The following IFT74 variants were observed in gnomAD, a reference collection of about 807,000 sequenced individuals.
IFT74 encodes the protein intraflagellar transport protein 74 homolog.
A neutral mutation model predicts 96.7 loss-of-function variants in IFT74; 92 were observed. The ratio of observed to expected loss-of-function variants is 0.95; its 90% CI spans 0.80 to 1.13. The LOEUF (loss-of-function observed/expected upper bound fraction) is 1.13. IFT74 is among the 50% of genes most tolerant of loss of function. The probability of loss-of-function intolerance (pLI) is 0.00; values close to 1 mark genes in which losing one functional copy is unlikely to be tolerated. For missense variants in IFT74, 811 were observed against 698.2 expected, an observed-to-expected ratio of 1.16 and a Z score of -1.82; for synonymous variants, 223 against 213.2, an observed-to-expected ratio of 1.05 and a Z score of -0.40.
At chr9:26,962,398 A>G (rs1455893674) in intron 2 of IFT74, among the ~76,000 whole-genome samples, 1 of 152,222 alleles carries the variant, frequency 6.6e-6, no homozygotes, top group African/African-American at 2.4e-5. Flanking sequence ...ACACTCTGGG[A>G]AGAAGATGCC....
At chr9:27,060,091 C>G (rs906758722) in intron 18 of IFT74, among the ~76,000 whole-genome samples, 1 of 152,158 alleles carries the variant, frequency 6.6e-6, no homozygotes, top group African/African-American at 2.4e-5. Context: ...AGCTTTTTAC[C>G]AGCTCTCTTA....
At chr9:27,008,920 C>G in intron 8 of IFT74, 100 bp from the exon 9 acceptor site, 1 of 907,730 alleles carries the variant, frequency 1.1e-6, no homozygotes, top group Non-Finnish European at 1.6e-6. Context: ...GGTTGAATGT[C>G]TTTAAGTATC....
chr9:26,995,999 C>A (rs1828135544), intron 8 of IFT74: 1 of 663,040 alleles, frequency 1.5e-6, no homozygotes, highest in Non-Finnish European at 2.4e-6. Context: ...TGGATGAATT[C>A]TCTTTGTTCA....
chr9:26,948,422 T>G (rs1245642685), intron 1 of IFT74, among the ~76,000 whole-genome samples: 1 of 150,378 alleles, frequency 6.6e-6, no homozygotes, highest in Non-Finnish European at 1.5e-5. Context: ...TTTTCTCTGT[T>G]TGACAACCTG....
rs531796188 is a variant in IFT74, at chr9:27,012,723, T to G, written c.789+755T>G. Among the ~76,000 whole-genome samples, 295 of 139,738 alleles carry G rather than the reference T, an allele frequency of 2.1e-3. 1 individual carries two copies. The highest frequency in any genetic ancestry group is 0.014 in the Middle Eastern group (4 of 288). 91.7% of individuals were successfully genotyped at this position (139,738 alleles called of 152,430 possible). A position where few individuals can be genotyped will look rare whatever the true frequency, so the allele number is the denominator to read the frequency against. On this transcript the variant is annotated intron_variant, in intron 10 of 19. Transcript: ENST00000380062. ...AAAAATGTCTGTTTTTTTTTTTTTT[T>G]TTTTTTTTTTTTAGACAGAGTATCG...
At chr9:27,012,102 C>G in intron 10 of IFT74, 134 bp downstream of exon 10, 1 of 525,734 alleles carries the variant, frequency 1.9e-6, no homozygotes, top group South Asian at 4.4e-5. Flanking sequence ...ACTTTTTCTT[C>G]CTATTCTGGA....
chr9:27,003,591 G>A (rs1174866264), intron 8 of IFT74, among the ~76,000 whole-genome samples: 8 of 152,066 alleles, frequency 5.3e-5, no homozygotes, highest in East Asian at 1.9e-4. Context: ...CTCTCGCCTC[G>A]TTAGCAATAA....
intron 8 of IFT74, chr9:26,997,828 T>C (rs558703834): frequency 1.2e-6 from 2 of 1,614,162 alleles, no homozygotes; most frequent in Middle Eastern, 1.6e-4. Flanking sequence ...CCAGATGAAA[T>C]AGTGGTGGTA....
intron 9 of IFT74, 124 bp from the exon 10 acceptor site, chr9:27,011,782 C>A: frequency 2.4e-6 from 1 of 417,860 alleles, no homozygotes; most frequent in East Asian, 3.9e-5. Flanking sequence ...AGAAAATTTA[C>A]TTAGTCACTT....
At chr9:26,988,056 G>A (rs1045955328) in intron 6 of IFT74, among the ~76,000 whole-genome samples, 4 of 152,082 alleles carry the variant, frequency 2.6e-5, no homozygotes, top group African/African-American at 7.2e-5. Flanking sequence ...GGGTTCAAGC[G>A]ATTCTCCTGC....
chr9:26,969,657 C>A (rs538499771), intron 2 of IFT74, among the ~76,000 whole-genome samples: 1 of 151,606 alleles, frequency 6.6e-6, no homozygotes. Flanking sequence ...CTTTCTTTTT[C>A]TCTGTCTTTT....
chr9:27,029,825 T>C (rs73436096), intron 13 of IFT74, among the ~76,000 whole-genome samples: 3,406 of 152,224 alleles, frequency 0.022, 133 homozygotes, highest in African/African-American at 0.077. Context: ...TTAGAGGGGA[T>C]GAAAATCAAA....
intron 1 of IFT74, among the ~76,000 whole-genome samples, chr9:26,956,721 C>T (rs575390989): frequency 6.6e-6 from 1 of 151,388 alleles, no homozygotes; most frequent in Admixed American, 6.6e-5. Context: ...CCGACCCCTC[C>T]CCGACCCCCC....
intron 19 of IFT74, among the ~76,000 whole-genome samples, chr9:27,061,835 C>T (rs1164469615): frequency 6.6e-6 from 1 of 151,920 alleles, no homozygotes. Context: ...CATTTCAACT[C>T]CATTATATGT....
At chr9:26,963,307 C>A (rs1282031665) in intron 2 of IFT74, among the ~76,000 whole-genome samples, 1 of 152,078 alleles carries the variant, frequency 6.6e-6, no homozygotes, top group Non-Finnish European at 1.5e-5. Flanking sequence ...TTTATGATTG[C>A]ATGGTATTCC....
At chr9:27,011,363 G>T (rs28472990) in intron 9 of IFT74, among the ~76,000 whole-genome samples, 2,262 of 152,204 alleles carry the variant, frequency 0.015, 46 homozygotes, top group African/African-American at 0.051. Context: ...TCTTAGGAGT[G>T]AACCATATTT....
intron 16 of IFT74, among the ~76,000 whole-genome samples, chr9:27,048,947 T>A (rs1819807758): frequency 6.6e-6 from 1 of 152,116 alleles, no homozygotes. Flanking sequence ...GTGGGCCTAG[T>A]GGGAAATGTT....
chr9:27,031,812 TA>T (rs1274295529), intron 13 of IFT74, among the ~76,000 whole-genome samples: 1 of 149,940 alleles, frequency 6.7e-6, no homozygotes, highest in Non-Finnish European at 1.5e-5. Context: ...TAAAATAAAA[TA>T]AAATGTAAAA....
At chr9:26,988,195 G>A (rs986887990) in intron 6 of IFT74, among the ~76,000 whole-genome samples, 4 of 151,900 alleles carry the variant, frequency 2.6e-5, no homozygotes, top group Admixed American at 6.6e-5. Flanking sequence ...CAGGTGATCC[G>A]CCCGCGTCAG....
Sources: allele counts gnomAD v4.1 joint callset (sites outside exome capture counted in the v4.1 genomes callset), GRCh38; gene constraint gnomAD v4.1.1; transcripts MANE v1.5; gene names NCBI Gene and HGNC (gene_info 2026-07-23, HGNC 2026-07-21).